HOMER2: variants seen among roughly 807,000 people sequenced by gnomAD.
HOMER2 encodes homer protein homolog 2.
HOMER2 carries 27 observed loss-of-function variants against 47.0 expected under a neutral mutation model. The observed-to-expected ratio is 0.57, with a 90% CI of 0.42 to 0.79. The LOEUF (loss-of-function observed/expected upper bound fraction) is 0.79. HOMER2 is among the 30% of genes least tolerant of loss of function. The pLI is 0.00. For synonymous variants in HOMER2, 161 were observed against 163.8 expected (o/e 0.98, Z 0.13); for missense variants, 443 against 435.0 (o/e 1.02, Z -0.16).
At chr15:82,912,011 C>G (rs1249179270) in intron 1 of HOMER2, among the ~76,000 whole-genome samples, 1 of 152,158 alleles carries the variant, frequency 6.6e-6, no homozygotes, top group African/African-American at 2.4e-5. Context: ...GCCTGGGCAA[C>G]AGAGTGAAAC....
Position 82,951,218 on chromosome 15 carries a change from T to TC in HOMER2, c.5+1312dup, listed in dbSNP as rs1311260052. 3.2e-4 allele frequency among the ~76,000 whole-genome samples: 48 copies of TC among 152,286 alleles called. 1 individual carries two copies. The highest frequency in any genetic ancestry group is 3.1e-3 in the Admixed American group (47 of 15,294). ...GAAATCTCCTAAATGTAAGCACACT[T>TC]CTTCAGCCCTCGCTGCTCATCTCGC... On this transcript the variant is annotated intron_variant, in intron 1 of 8. Transcript: ENST00000450735.
At chr15:82,839,985 A>C (rs773706372) in exon 2 of HOMER2, 5 of 152,216 alleles carry the variant, frequency 3.3e-5, no homozygotes, top group Non-Finnish European at 7.3e-5. Flanking sequence ...AAATGCTAAA[A>C]AACAACAACA....
At chr15:82,955,489 C>G (rs1218138260), upstream of HOMER2, among the ~76,000 whole-genome samples, 1 of 152,164 alleles carries the variant, frequency 6.6e-6, no homozygotes, top group Non-Finnish European at 1.5e-5. Context: ...CTTTCAACAG[C>G]AAAATTAGGC....
intron 1 of HOMER2, among the ~76,000 whole-genome samples, chr15:82,904,402 T>C (rs1179690009): frequency 1.3e-5 from 2 of 152,148 alleles, no homozygotes; most frequent in Non-Finnish European, 2.9e-5. Context: ...GATCCAATCA[T>C]AGGGGGGCCT....
At chr15:82,850,957 C>T (rs947398137) in intron 8 of HOMER2, among the ~76,000 whole-genome samples, 194 bp downstream of exon 8, 3 of 152,346 alleles carry the variant, frequency 2.0e-5, no homozygotes, top group South Asian at 2.1e-4. Context: ...AAAAGACAAA[C>T]GTTGCTGAGT....
chr15:82,976,676 T>TG (rs2030214372), intron 1 of HOMER2, among the ~76,000 whole-genome samples: 1 of 92,204 alleles, frequency 1.1e-5, no homozygotes, highest in African/African-American at 4.7e-5. Context: ...GATTTGTGTG[T>TG]GGTTTTTTTT....
At position 82,981,270 on chromosome 15, in the gene HOMER2, T is replaced by C. The variant is rs767239808; in HGVS notation, n.82+4517A>G. ...TCAGCTTTAGTCTTTAAAGTGGTTA[T>C]TGTCCAAGATCACGAATGGCCTCTG... On this transcript the variant is annotated intron_variant and non_coding_transcript_variant, in intron 1 of 1. Transcript: ENST00000500334. Among the ~76,000 whole-genome samples the C allele has an allele frequency of 2.0e-5, 3 of 152,330 alleles. No homozygotes were observed. In the East Asian group the frequency reaches 5.8e-4, roughly 29 times the overall value.
exon 2 of HOMER2, chr15:82,838,373 A>T (rs1171279308): frequency 6.6e-6 from 1 of 152,296 alleles, no homozygotes; most frequent in Non-Finnish European, 1.5e-5. Flanking sequence ...TAGGGGGTAG[A>T]ACTGTGGCTC....
chr15:82,869,705 G>A (rs370786069), intron 3 of HOMER2, among the ~76,000 whole-genome samples: 27 of 151,940 alleles, frequency 1.8e-4, no homozygotes, highest in Non-Finnish European at 2.9e-4. Flanking sequence ...TGATCCACCC[G>A]CCTGGGTCTC....
chr15:82,837,064 A>C (rs2151580299), exon 2 of HOMER2: 1 of 152,394 alleles, frequency 6.6e-6, no homozygotes, highest in African/African-American at 2.4e-5. Context: ...CTCCGGGGAG[A>C]AGCCATTTCC....
intron 1 of HOMER2, among the ~76,000 whole-genome samples, chr15:82,893,341 T>TTA (rs1555424319): frequency 4.0e-5 from 6 of 149,554 alleles, no homozygotes; most frequent in African/African-American, 1.5e-4. Flanking sequence ...TTTTTTTTTT[T>TTA]TTTTTTTTGG....
intron 6 of HOMER2, among the ~76,000 whole-genome samples, chr15:82,853,539 A>C (rs1208200614): frequency 2.0e-5 from 3 of 152,284 alleles, no homozygotes; most frequent in African/African-American, 7.2e-5. Flanking sequence ...GCAGGGGAGA[A>C]AAGGGGGTCA....
chr15:82,854,476 A>T (rs2051498182), intron 6 of HOMER2, among the ~76,000 whole-genome samples, 168 bp downstream of exon 6: 1 of 152,132 alleles, frequency 6.6e-6, no homozygotes, highest in South Asian at 2.1e-4. Context: ...ATTCCTACTA[A>T]GAAAGGCAGG....
intron 1 of HOMER2, among the ~76,000 whole-genome samples, chr15:82,927,029 C>G (rs1333749715): frequency 6.6e-6 from 1 of 152,172 alleles, no homozygotes; most frequent in African/African-American, 2.4e-5. Flanking sequence ...GGGCTCTACT[C>G]CTATGACCTA....
intron 3 of HOMER2, among the ~76,000 whole-genome samples, chr15:82,868,531 A>ATATATATATATATATATATATATATATT (rs2052058633): frequency 1.7e-5 from 1 of 57,166 alleles, no homozygotes; most frequent in Non-Finnish European, 3.7e-5. Context: ...TTTTATATAT[A>ATATATATATATATATATATATATATATT]TATATATATA....
In HOMER2 at chr15:82,902,197, ATTTT is replaced by A. The variant is rs35594463; in HGVS notation, c.6-9360_6-9357del. Among the ~76,000 whole-genome samples the A allele has an allele frequency of 4.1e-3, 555 of 135,050 alleles. 2 individuals carry two copies. Among genetic ancestry groups the A allele is most frequent in the African/African-American group, 0.015 (534 of 36,454 alleles). 88.6% of individuals were successfully genotyped at this position (135,050 alleles called of 152,430 possible). On this transcript the variant is annotated intron_variant, in intron 1 of 8. Coordinates refer to ENST00000450735, the MANE Select transcript of HOMER2 (RefSeq NM_004839.4). ...CTAAGAACTGGAAAACATCCAAGTG[ATTTT>A]TTTTTTTTTTTTTTGAGACCGAGTC...
exon 2 of HOMER2, chr15:82,840,891 G>A (rs2051170078): frequency 6.7e-6 from 1 of 148,850 alleles, no homozygotes; most frequent in Non-Finnish European, 1.5e-5. Context: ...AAACTTCAAA[G>A]AGCAAAAAAT....
intron 1 of HOMER2, among the ~76,000 whole-genome samples, chr15:82,924,292 T>C (rs1207425797): frequency 6.6e-6 from 1 of 151,896 alleles, no homozygotes; most frequent in East Asian, 1.9e-4. Flanking sequence ...AAAGGTTCAA[T>C]GCTTGACTTT....
chr15:82,851,924 C>T (rs1435334026), intron 7 of HOMER2, among the ~76,000 whole-genome samples: 3 of 152,218 alleles, frequency 2.0e-5, no homozygotes, highest in East Asian at 1.9e-4. Context: ...TGGATCTGCA[C>T]GACCAGCTAT....
Sources: gnomAD v4.1 joint callset for allele counts (sites outside exome capture counted in the v4.1 genomes callset) on GRCh38, gnomAD v4.1.1 for gene constraint, MANE v1.5 for transcripts, NCBI Gene and HGNC (gene_info 2026-07-23, HGNC 2026-07-21) for gene names.